Variants in PLAG1 observed in about 807,000 individuals in gnomAD.
PLAG1 encodes PLAG1 zinc finger.
In PLAG1, 7 loss-of-function variants were observed where a neutral mutation model predicts 35.5. The observed-to-expected ratio is 0.20, with a 90% CI of 0.11 to 0.37. The LOEUF (loss-of-function observed/expected upper bound fraction) is 0.37. Ranked by LOEUF, PLAG1 falls within the 10% of genes least tolerant of loss-of-function variation. PLAG1 has a pLI of 1.00. For synonymous variants in PLAG1, 229 were observed against 225.4 expected (o/e 1.02, Z -0.14); for missense variants, 454 against 602.8 (o/e 0.75, Z 2.58).
Position 56,163,143 on chromosome 8 carries a change from A to G in PLAG1, c.*3100T>C, listed in dbSNP as rs184363858. The G allele has an allele frequency of 9.7e-6, 2 of 206,594 alleles. No individual in the cohort carries two copies. The highest frequency in any genetic ancestry group is 1.9e-4 in the South Asian group (1 of 5,278). The allele number at this position is 206,594 out of a possible 1,614,324, so 12.8% of individuals were successfully genotyped here. ...AACTTGTACATACATGTGGAAGTGA[A>G]ACTGAATGAGGTTCAATATCTTGTC... On this transcript the variant is annotated 3_prime_UTR_variant, in exon 5 of 5. Coordinates refer to ENST00000316981, the MANE Select transcript of PLAG1 (RefSeq NM_002655.3).
rs1403189422 is a variant in PLAG1 at position 56,211,226 on chromosome 8, G to A, written c.-427C>T. ...ATTTCGGGCTGGACGCGGCGGGCCT[G>A]GAAATTGTTTCCTTACGCCTCTTTC... On this transcript the variant is annotated 5_prime_UTR_variant, in exon 1 of 5. Transcript: ENST00000316981. 3.9e-5 allele frequency: 6 copies of A among 153,214 alleles called. No homozygotes were observed. Among genetic ancestry groups the A allele is most frequent in the Non-Finnish European group, 8.8e-5 (6 of 68,272 alleles). 9.5% of individuals were successfully genotyped at this position (153,214 alleles called of 1,614,324 possible). A position where few individuals can be genotyped will look rare whatever the true frequency, so the allele number is the denominator to read the frequency against.
rs137861028 is a variant in PLAG1, at chr8:56,191,866, C to T, written c.-321-12353G>A. ...ACAGGTTCTGAACTGCCAAAGTAGA[C>T]ACTACAAATCTACACATATCAAGCA... On this transcript the variant is annotated intron_variant, in intron 1 of 4. Coordinates refer to ENST00000316981, the MANE Select transcript of PLAG1 (RefSeq NM_002655.3). Among the ~76,000 whole-genome samples the T allele has an allele frequency of 5.9e-3, 885 of 149,578 alleles. 9 individuals are homozygous for T. Among genetic ancestry groups the T allele is most frequent in the African/African-American group, 0.021 (842 of 40,710 alleles).
Position 56,199,712 on chromosome 8 carries a change from G to T in PLAG1, c.-322+11409C>A, listed in dbSNP as rs150552862. On this transcript the variant is annotated intron_variant, in intron 1 of 4. Coordinates refer to ENST00000316981, the MANE Select transcript of PLAG1 (RefSeq NM_002655.3). The stretch of plus-strand genomic sequence containing the variant: ...CTAGACCAACCCTTCCTGGCACTAG[G>T]CAGTACGTCTCCACCACCCCCCCCG... Among the ~76,000 whole-genome samples, 421 of 151,080 alleles carry T rather than the reference G, an allele frequency of 2.8e-3. 1 individual carries two copies. Among genetic ancestry groups the T allele is most frequent in the African/African-American group, 9.7e-3 (398 of 41,092 alleles).
chr8:56,189,119 G>T (rs1283396955), intron 1 of PLAG1, among the ~76,000 whole-genome samples: 4 of 152,214 alleles, frequency 2.6e-5, no homozygotes, highest in Non-Finnish European at 5.9e-5. Flanking sequence ...AGTATGTGCT[G>T]AATGAATAAA....
intron 2 of PLAG1, among the ~76,000 whole-genome samples, 181 bp downstream of exon 2, chr8:56,179,228 G>A (rs1207401145): frequency 6.6e-6 from 1 of 151,946 alleles, no homozygotes; most frequent in Non-Finnish European, 1.5e-5. Flanking sequence ...CCTCCCATTC[G>A]ACCATAATTA....
At chr8:56,203,867 T>C (rs1267331353) in intron 1 of PLAG1, among the ~76,000 whole-genome samples, 2 of 152,056 alleles carry the variant, frequency 1.3e-5, no homozygotes, top group Non-Finnish European at 2.9e-5. Context: ...TACCTCAGTC[T>C]ATGACAAATT....
chr8:56,166,583 A>G lies in PLAG1; in HGVS notation c.1163T>C (p.Ile388Thr). The G allele has an allele frequency of 1.2e-6, 2 of 1,613,960 alleles. No individual in the cohort carries two copies. The highest frequency in any genetic ancestry group is 1.7e-6 in the Non-Finnish European group (2 of 1,179,912). The stretch of plus-strand genomic sequence containing the variant: ...TCCTGCACCATCATCTAGGGACCCA[A>G]TCTGAGGATCCAACCCTAGCTTAGA... ...SSSKLGLDPQ[I>T]GSLDDGAGDL... Residue 388 changes from isoleucine (I) to threonine (T), a missense_variant, in exon 5 of 5, where the codon ATT (isoleucine) becomes ACT (threonine). Physicochemically the swap from Ile to Thr is moderately conservative, Grantham distance 89. Transcript: ENST00000316981.
intron 1 of PLAG1, among the ~76,000 whole-genome samples, chr8:56,198,658 C>T (rs1336030739): frequency 8.5e-5 from 13 of 152,194 alleles, no homozygotes; most frequent in Admixed American, 1.3e-4. Context: ...CTGTCTGGAG[C>T]GTCCCTTCAG....
intron 1 of PLAG1, among the ~76,000 whole-genome samples, chr8:56,197,077 T>G (rs1203892704): frequency 2.6e-5 from 4 of 151,872 alleles, no homozygotes; most frequent in South Asian, 4.1e-4. Context: ...CCCCCAACTC[T>G]GGGGGTCTGT....
chr8:56,166,847 C>T lies in PLAG1; in HGVS notation c.899G>A (p.Ser300Asn). 6.2e-7 allele frequency: 1 copy of T among 1,613,984 alleles called. No homozygotes were observed. Among genetic ancestry groups the T allele is most frequent in the Non-Finnish European group, 8.5e-7 (1 of 1,179,892 alleles). Residue 300 changes from serine (S) to asparagine (N), a missense_variant, in exon 5 of 5, where the codon AGC becomes AAC. Physicochemically the swap from Ser to Asn is conservative, Grantham distance 46. Around this residue, in one of 4 missense-constraint regions of PLAG1, gnomAD observed 271 missense variants for 315.6 expected, o/e 0.86. Coordinates refer to ENST00000316981, the MANE Select transcript of PLAG1 (RefSeq NM_002655.3). Reference sequence around the variant, plus strand: ...GATCATTTGGTGGGCAGATCCCGAGCTCTGCATGGACTGAAATGGAGTGTT... The same window carrying T: ...GATCATTTGGTGGGCAGATCCCGAGTTCTGCATGGACTGAAATGGAGTGTT... ...LYNTPFQSMQSSGSAHQMITT... is the reference protein window; with the variant it reads ...LYNTPFQSMQNSGSAHQMITT...
intron 1 of PLAG1, among the ~76,000 whole-genome samples, chr8:56,184,899 A>G (rs1467901575): frequency 6.6e-6 from 1 of 152,120 alleles, no homozygotes; most frequent in African/African-American, 2.4e-5. Context: ...GTGAGCCAAG[A>G]TCATGCCACT....
intron 1 of PLAG1, among the ~76,000 whole-genome samples, chr8:56,205,866 A>G (rs1404578171): frequency 6.6e-6 from 1 of 151,954 alleles, no homozygotes; most frequent in Admixed American, 6.6e-5. Flanking sequence ...CATTCATTCT[A>G]CACATGCACA....
intron 1 of PLAG1, among the ~76,000 whole-genome samples, chr8:56,201,167 C>A (rs982958235): frequency 2.6e-5 from 4 of 152,152 alleles, no homozygotes; most frequent in Non-Finnish European, 4.4e-5. Flanking sequence ...TCTTTTAACT[C>A]TCCTGGGTGG....
intron 2 of PLAG1, among the ~76,000 whole-genome samples, chr8:56,175,993 G>A (rs929702877): frequency 2.0e-5 from 3 of 151,160 alleles, no homozygotes; most frequent in Non-Finnish European, 4.4e-5. Flanking sequence ...GAGCAAAAAT[G>A]CCACGTTAAG....
At chr8:56,197,287 C>T (rs1023903838) in intron 1 of PLAG1, among the ~76,000 whole-genome samples, 1 of 152,160 alleles carries the variant, frequency 6.6e-6, no homozygotes, top group African/African-American at 2.4e-5. Context: ...AGTGCGTCTC[C>T]GCTCACATCC....
At chr8:56,183,881 T>C (rs376558920) in intron 1 of PLAG1, among the ~76,000 whole-genome samples, 186 of 152,268 alleles carry the variant, frequency 1.2e-3, no homozygotes, top group African/African-American at 4.1e-3. Context: ...ATAAAACTTC[T>C]GGAAGAAAGC....
In PLAG1 at chr8:56,189,751, T is replaced by C. The variant is rs562651592; in HGVS notation, c.-321-10238A>G. Reference sequence around the variant, plus strand: ...GACAAAAGAGCCAACTGAACTGAGATTGGGGTGAGGTAAGATGTGGGCCTG... The same window carrying C: ...GACAAAAGAGCCAACTGAACTGAGACTGGGGTGAGGTAAGATGTGGGCCTG... On this transcript the variant is annotated intron_variant, in intron 1 of 4. Transcript: ENST00000316981. 6.6e-5 allele frequency among the ~76,000 whole-genome samples: 10 copies of C among 152,092 alleles called. No individual in the cohort carries two copies. In the South Asian group the frequency reaches 1.7e-3, roughly 25 times the overall value.
chr8:56,202,794 T>C (rs972644082), intron 1 of PLAG1, among the ~76,000 whole-genome samples: 2 of 152,156 alleles, frequency 1.3e-5, no homozygotes, highest in Non-Finnish European at 2.9e-5. Context: ...AATAACATGA[T>C]CTTGAGAACA....
chr8:56,188,727 A>G (rs1812092691), intron 1 of PLAG1, among the ~76,000 whole-genome samples: 1 of 152,226 alleles, frequency 6.6e-6, no homozygotes, highest in Non-Finnish European at 1.5e-5. Flanking sequence ...TTTAACTTCC[A>G]TATCTTCAAC....
Sources: allele counts gnomAD v4.1 joint callset (sites outside exome capture counted in the v4.1 genomes callset), GRCh38; gene constraint gnomAD v4.1.1; regional missense constraint gnomAD v4.1.1; transcripts MANE v1.5; gene names NCBI Gene and HGNC (gene_info 2026-07-23, HGNC 2026-07-21).